Variants in VANGL1 observed in about 807,000 individuals in gnomAD.
VANGL1 encodes the protein vang-like protein 1.
A neutral mutation model predicts 48.4 loss-of-function variants in VANGL1; 18 were observed. That is an observed-to-expected ratio of 0.37 (90% CI 0.26 to 0.55). The LOEUF (loss-of-function observed/expected upper bound fraction) is 0.55, where lower values mean the gene tolerates loss of function less well. VANGL1 is among the 20% of genes least tolerant of loss of function. The probability of loss-of-function intolerance (pLI) is 0.81; values close to 1 mark genes in which losing one functional copy is unlikely to be tolerated. For synonymous variants in VANGL1, 257 were observed against 261.8 expected, an observed-to-expected ratio of 0.98 and a Z score of 0.18; for missense variants, 667 against 675.8, an observed-to-expected ratio of 0.99 and a Z score of 0.14.
At chr1:115,679,093 C>A (rs554763476) in intron 4 of VANGL1, among the ~76,000 whole-genome samples, 1 of 152,280 alleles carries the variant, frequency 6.6e-6, no homozygotes, top group Non-Finnish European at 1.5e-5. Flanking sequence ...GTATGCTGGG[C>A]ATCAAACAGA....
chr1:115,662,843 G>A (rs1229990621), intron 3 of VANGL1, among the ~76,000 whole-genome samples: 1 of 149,402 alleles, frequency 6.7e-6, no homozygotes, highest in Non-Finnish European at 1.5e-5. Context: ...CTGGAGTACA[G>A]TGGCACGATC....
chr1:115,671,078 C>G (rs1402876287), intron 4 of VANGL1: 1 of 152,336 alleles, frequency 6.6e-6, no homozygotes, highest in Non-Finnish European at 1.5e-5. Flanking sequence ...GATGGCTTCC[C>G]TCGCACGGCG....
At chr1:115,647,213 T>TA (rs145023335) in intron 1 of VANGL1, among the ~76,000 whole-genome samples, 34,338 of 152,216 alleles carry the variant, frequency 0.23, 6,116 homozygotes, top group African/African-American at 0.5. Context: ...GTCAGTATGA[T>TA]AGACAGTTCC....
At chr1:115,660,221 A>G (rs931070264) in intron 3 of VANGL1, among the ~76,000 whole-genome samples, 9 of 152,214 alleles carry the variant, frequency 5.9e-5, no homozygotes. Flanking sequence ...TAAGTTAATT[A>G]AGGAGGCCCT....
chr1:115,684,623 AC>A (rs1343499475), intron 6 of VANGL1, among the ~76,000 whole-genome samples: 1 of 152,058 alleles, frequency 6.6e-6, no homozygotes, highest in Non-Finnish European at 1.5e-5. Flanking sequence ...GCTTGCAGAG[AC>A]CCTACCCAAT....
rs147655140 is a variant in VANGL1 at position 115,668,022 on chromosome 1, G to T, written c.812+3754G>T. Among the ~76,000 whole-genome samples the T allele has an allele frequency of 1.6e-4, 24 of 152,254 alleles. 1 individual carries two copies. In the East Asian group the frequency reaches 4.6e-3, roughly 29 times the overall value. On this transcript the variant is annotated intron_variant, in intron 4 of 7. Coordinates refer to ENST00000355485, the MANE Select transcript of VANGL1 (RefSeq NM_138959.3). ...CAGGTACCTTCTGATCTTTTAATGT[G>T]CAACTCAGTTTTCACAACAATCATG...
intron 2 of VANGL1, among the ~76,000 whole-genome samples, chr1:115,653,074 T>C (rs1289634767): frequency 2.0e-5 from 3 of 152,214 alleles, no homozygotes; most frequent in Non-Finnish European, 4.4e-5. Flanking sequence ...CATAGACATA[T>C]GATGAGTATT....
chr1:115,680,036 A>T (rs1653327025), intron 4 of VANGL1, among the ~76,000 whole-genome samples: 1 of 149,240 alleles, frequency 6.7e-6, no homozygotes, highest in African/African-American at 2.5e-5. Context: ...TGAGAGAGAG[A>T]GAGAGAGAGA....
chr1:115,664,525 C>T lies in VANGL1; in HGVS notation c.812+257C>T, dbSNP rs115234589. ...CTGGGCTTGTTCTCAAAGTTATTGGCAGCTCCCAAAAATGATGGAGAAAGG... is the reference window on the plus strand; with the variant it reads ...CTGGGCTTGTTCTCAAAGTTATTGGTAGCTCCCAAAAATGATGGAGAAAGG... On this transcript the variant is annotated intron_variant, in intron 4 of 7. Coordinates refer to ENST00000355485, the MANE Select transcript of VANGL1 (RefSeq NM_138959.3). 1.7e-3 allele frequency among the ~76,000 whole-genome samples: 253 copies of T among 152,298 alleles called. 1 individual carries two copies. The highest frequency in any genetic ancestry group is 5.8e-3 in the African/African-American group (242 of 41,562).
chr1:115,642,263 C>T (rs570818976), intron 1 of VANGL1, among the ~76,000 whole-genome samples, 177 bp downstream of exon 1: 31 of 151,928 alleles, frequency 2.0e-4, no homozygotes, highest in South Asian at 1.0e-3. Context: ...TCCCTCCCCT[C>T]CTCCGGAGCG....
chr1:115,685,796 G>A (rs996962679), intron 7 of VANGL1, among the ~76,000 whole-genome samples: 7 of 152,158 alleles, frequency 4.6e-5, no homozygotes, highest in African/African-American at 1.7e-4. Flanking sequence ...GTATGGAATA[G>A]TGATTAGGGG....
intron 5 of VANGL1, 135 bp from the exon 6 acceptor site, chr1:115,683,809 G>A (rs1336549914): frequency 1.7e-5 from 20 of 1,206,866 alleles, no homozygotes; most frequent in Non-Finnish European, 2.3e-5. Flanking sequence ...CTCCTGGGAA[G>A]TGACCTTTAG....
intron 2 of VANGL1, 48 bp downstream of exon 2, chr1:115,651,532 A>T (rs747880582): frequency 3.2e-6 from 5 of 1,566,558 alleles, no homozygotes; most frequent in Non-Finnish European, 4.4e-6. Flanking sequence ...GGAAACCTAC[A>T]GGTTGGTGGG....
intron 4 of VANGL1, among the ~76,000 whole-genome samples, chr1:115,680,901 C>T (rs940031451): frequency 5.9e-5 from 9 of 152,112 alleles, no homozygotes; most frequent in Non-Finnish European, 1.0e-4. Flanking sequence ...CCTTGTAAGC[C>T]GATCTGCTTA....
chr1:115,682,544 G>A, intron 5 of VANGL1, 47 bp downstream of exon 5: 1 of 1,613,838 alleles, frequency 6.2e-7, no homozygotes, highest in Non-Finnish European at 8.5e-7. Context: ...GGGCACAGTT[G>A]GGTGACTATT....
intron 2 of VANGL1, among the ~76,000 whole-genome samples, chr1:115,654,641 T>C (rs1284046009): frequency 6.6e-6 from 1 of 152,174 alleles, no homozygotes. Flanking sequence ...TCTCAGGAGC[T>C]GGGCTCTGCC....
At chr1:115,656,286 C>G (rs1401614762) in intron 2 of VANGL1, among the ~76,000 whole-genome samples, 1 of 152,212 alleles carries the variant, frequency 6.6e-6, no homozygotes, top group Admixed American at 6.5e-5. Context: ...TCATGGCTCC[C>G]ATTATCAAGC....
rs888568760 is a variant in VANGL1, at chr1:115,696,239, T to C, written c.*4860T>C. ...GCCTCTCTCTGGTGCCATGGCAACATTATGCCCCAAACTTCTTCCCTGGTT... is the reference window on the plus strand; with the variant it reads ...GCCTCTCTCTGGTGCCATGGCAACACTATGCCCCAAACTTCTTCCCTGGTT... On this transcript the variant is annotated 3_prime_UTR_variant, in exon 8 of 8. Coordinates refer to ENST00000355485, the MANE Select transcript of VANGL1 (RefSeq NM_138959.3). 3 of 152,338 alleles carry C rather than the reference T, an allele frequency of 2.0e-5. No individual in the cohort carries two copies. The highest frequency in any genetic ancestry group is 7.2e-5 in the African/African-American group (3 of 41,460). 9.4% of individuals were successfully genotyped at this position (152,338 alleles called of 1,614,324 possible).
In VANGL1 at chr1:115,691,249, T is replaced by C. The variant is rs761205510; in HGVS notation, c.1445T>C (p.Val482Ala). ...GGATTACGGGATGGAATTGTGTTCG[T>C]CCTTAAGTGCTTGGACTTCAGCCTC... Reference protein sequence around the residue: ...TNGLRDGIVFVLKCLDFSLVV... With the variant: ...TNGLRDGIVFALKCLDFSLVV... Residue 482 changes from valine (V) to alanine (A), a missense_variant, in exon 8 of 8, where the codon GTC (valine) becomes GCC (alanine). Physicochemically the swap from Val to Ala is moderately conservative, Grantham distance 64 (BLOSUM62 0). Transcript: ENST00000355485. 2 of 1,614,034 alleles carry C rather than the reference T, an allele frequency of 1.2e-6. No individual in the cohort carries two copies. Among genetic ancestry groups the C allele is most frequent in the African/African-American group, 2.7e-5 (2 of 74,924 alleles).
Sources: gnomAD v4.1 joint callset for allele counts (sites outside exome capture counted in the v4.1 genomes callset) on GRCh38, gnomAD v4.1.1 for gene constraint, MANE v1.5 for transcripts, NCBI Gene and HGNC (gene_info 2026-07-23, HGNC 2026-07-21) for gene names.